FRMPD4: variants seen among roughly 807,000 people sequenced by gnomAD.
The protein encoded by FRMPD4 is FERM and PDZ domain containing 4, also known as FERM and PDZ domain-containing protein 4.
In FRMPD4, 22 loss-of-function variants were observed where a neutral mutation model predicts 94.1. The observed-to-expected ratio is 0.23, with a 90% CI of 0.17 to 0.33. FRMPD4 has a LOEUF of 0.33. FRMPD4 is among the 10% of genes least tolerant of loss of function. The pLI, the probability that FRMPD4 is intolerant of heterozygous loss-of-function variation, is 1.00. For synonymous variants in FRMPD4, 631 were observed against 548.6 expected (o/e 1.15, Z -2.10); for missense variants, 1,111 against 1,339.9 (o/e 0.83, Z 2.67).
intron 1 of FRMPD4, among the ~76,000 whole-genome samples, chrX:12,263,608 T>C (rs1332107424): frequency 1.8e-5 from 2 of 111,202 alleles, no homozygotes; most frequent in Non-Finnish European, 3.8e-5. Context: ...GCTACCACAA[T>C]GACCCAGGCA....
rs559500619 is a variant in FRMPD4 at position 12,232,495 on chromosome X, C to A, written c.41+93483C>A. Among the ~76,000 whole-genome samples, 80 of 110,757 alleles carry A rather than the reference C, an allele frequency of 7.2e-4. 2 individuals carry two copies. The South Asian group carries it at 0.03, about 41-fold the overall frequency. ...AGCTGCCCCCATGATTCAATTACCT[C>A]CACTGGGTCCCTCCCACAACACGTG... On this transcript the variant is annotated intron_variant, in intron 1 of 16. Coordinates refer to ENST00000675598, the MANE Select transcript of FRMPD4 (RefSeq NM_001368397.1).
At chrX:12,543,680 A>C (rs1382955145) in intron 2 of FRMPD4, among the ~76,000 whole-genome samples, 4 of 111,866 alleles carry the variant, frequency 3.6e-5, no homozygotes, top group East Asian at 2.8e-4. Context: ...ACAGTGTGGC[A>C]ATTCCTCAAG....
At position 11,847,474 on chromosome X, in the gene FRMPD4, C is replaced by T. The variant is rs750518962; in HGVS notation, c.-160-17612C>T. ...TCAACCATTGTGGAAGTCAGTGTGG[C>T]GATTCCTCAGGGATCTAGAACTAGA... On this transcript the variant is annotated intron_variant, in intron 1 of 18. Transcript: ENST00000640291. Among the ~76,000 whole-genome samples, 398 of 107,570 alleles carry T rather than the reference C, an allele frequency of 3.7e-3. 1 individual carries two copies. The highest frequency in any genetic ancestry group is 0.013 in the African/African-American group (364 of 29,077). The allele number at this position is 107,570 out of a possible 115,157, so 93.4% of individuals were successfully genotyped here.
At chrX:11,852,828 T>A (rs1369359595) in intron 1 of FRMPD4, among the ~76,000 whole-genome samples, 2 of 111,728 alleles carry the variant, frequency 1.8e-5, no homozygotes, top group East Asian at 5.6e-4. Flanking sequence ...AACACCCCAC[T>A]GAGAATATTA....
At chrX:12,303,921 T>C (rs1426248973) in intron 1 of FRMPD4, among the ~76,000 whole-genome samples, 2 of 111,784 alleles carry the variant, frequency 1.8e-5, no homozygotes, top group Admixed American at 1.9e-4. Flanking sequence ...TAAATCTGTA[T>C]TATGTTCAAC....
At chrX:12,654,366 G>A (rs965380233) in intron 4 of FRMPD4, among the ~76,000 whole-genome samples, 9 of 111,423 alleles carry the variant, frequency 8.1e-5, no homozygotes, top group Non-Finnish European at 1.7e-4. Context: ...TCATATATTA[G>A]CCATGATTCT....
chrX:11,926,362 C>T (rs921674290), intron 3 of FRMPD4, among the ~76,000 whole-genome samples: 2 of 109,087 alleles, frequency 1.8e-5, no homozygotes, highest in East Asian at 2.8e-4. Flanking sequence ...TGAAACAATT[C>T]CAAAAAAATT....
chrX:12,496,874 T>C (rs568392852), intron 1 of FRMPD4, among the ~76,000 whole-genome samples: 2 of 112,012 alleles, frequency 1.8e-5, no homozygotes, highest in South Asian at 7.5e-4. Flanking sequence ...ACAAGAGGCT[T>C]TATTTGAAAA....
intron 1 of FRMPD4, among the ~76,000 whole-genome samples, chrX:12,364,941 G>A (rs1221947676): frequency 8.9e-6 from 1 of 112,431 alleles, no homozygotes; most frequent in African/African-American, 3.2e-5. Context: ...TATACCTAGG[G>A]GTAGGCTTCC....
chrX:12,433,893 A>G (rs145257133), intron 1 of FRMPD4, among the ~76,000 whole-genome samples: 27 of 112,080 alleles, frequency 2.4e-4, no homozygotes, highest in Non-Finnish European at 4.1e-4. Context: ...GGTTTTCAAT[A>G]TGAGTATGAC....
chrX:12,096,885 T>A (rs1177993202), intron 3 of FRMPD4, among the ~76,000 whole-genome samples: 1 of 111,088 alleles, frequency 9.0e-6, no homozygotes, highest in African/African-American at 3.3e-5. Context: ...AGACCCCATC[T>A]CTAAAACAAA....
chrX:11,848,278 C>G (rs938464313), intron 1 of FRMPD4, among the ~76,000 whole-genome samples: 47 of 111,071 alleles, frequency 4.2e-4, no homozygotes, highest in Non-Finnish European at 5.1e-4. Flanking sequence ...ATGCTTTACT[C>G]TGAGATTTGT....
intron 1 of FRMPD4, among the ~76,000 whole-genome samples, chrX:12,341,023 T>C (rs779099835): frequency 5.0e-4 from 56 of 112,123 alleles, no homozygotes; most frequent in Non-Finnish European, 9.6e-4. Flanking sequence ...AACTTCACTT[T>C]ATTTATAAAC....
intron 4 of FRMPD4, among the ~76,000 whole-genome samples, chrX:12,621,964 GAAAGAGAAAGAA>G (rs1453370681): frequency 1.6e-4 from 13 of 81,559 alleles, no homozygotes; most frequent in African/African-American, 6.1e-4. Flanking sequence ...GAGAAAGAAA[GAAAGAGAAAGAA>G]AGAAAGAAAG....
intron 3 of FRMPD4, among the ~76,000 whole-genome samples, chrX:11,944,740 A>C (rs774536967): frequency 9.0e-6 from 1 of 110,664 alleles, no homozygotes; most frequent in East Asian, 2.8e-4. Flanking sequence ...GGTGGCAAAT[A>C]GGACAGGAAG....
At chrX:12,426,737 C>T (rs1303694233) in intron 1 of FRMPD4, among the ~76,000 whole-genome samples, 3 of 111,685 alleles carry the variant, frequency 2.7e-5, no homozygotes, top group African/African-American at 9.8e-5. Context: ...ATGAAGAACA[C>T]TCCTATCAGT....
intron 3 of FRMPD4, among the ~76,000 whole-genome samples, chrX:11,921,031 A>G (rs773561173): frequency 8.9e-6 from 1 of 112,124 alleles, no homozygotes; most frequent in Non-Finnish European, 1.9e-5. Flanking sequence ...ATTGCCCCCA[A>G]TTGTTTAAAG....
intron 3 of FRMPD4, among the ~76,000 whole-genome samples, chrX:11,952,003 T>C (rs978079102): frequency 1.8e-5 from 2 of 112,235 alleles, no homozygotes; most frequent in Non-Finnish European, 3.8e-5. Context: ...GCCACTGTAC[T>C]CCAGCCTAGG....
intron 2 of FRMPD4, among the ~76,000 whole-genome samples, chrX:11,867,542 C>T (rs1376990062): frequency 8.9e-6 from 1 of 112,222 alleles, no homozygotes; most frequent in Non-Finnish European, 1.9e-5. Context: ...CTTCAGACAT[C>T]CTGACTGAGA....
Sources: gnomAD v4.1 joint callset for allele counts (sites outside exome capture counted in the v4.1 genomes callset) on GRCh38, gnomAD v4.1.1 for gene constraint, MANE v1.5 for transcripts, NCBI Gene and HGNC (gene_info 2026-07-23, HGNC 2026-07-21) for gene names.